Variants in NPAS3 observed in about 807,000 individuals in gnomAD.
The protein encoded by NPAS3 is neuronal PAS domain protein 3.
Under a neutral mutation model 73.1 loss-of-function variants are expected in NPAS3, and 14 were observed. The ratio of observed to expected loss-of-function variants is 0.19; its 90% CI spans 0.13 to 0.30. NPAS3 has a LOEUF of 0.30. NPAS3 is among the 10% of genes least tolerant of loss of function. NPAS3 has a pLI of 1.00. For synonymous variants in NPAS3, 620 were observed against 541.5 expected (o/e 1.14, Z -2.01); for missense variants, 1,096 against 1,250.0 (o/e 0.88, Z 1.86).
intron 3 of NPAS3, among the ~76,000 whole-genome samples, chr14:33,246,696 AT>A (rs1258699432): frequency 1.3e-5 from 2 of 151,488 alleles, no homozygotes; most frequent in Non-Finnish European, 2.9e-5. Context: ...AGCTTTCCTA[AT>A]GAAATAGTAG....
chr14:33,131,862 C>T (rs961440370), intron 2 of NPAS3, among the ~76,000 whole-genome samples: 3 of 151,974 alleles, frequency 2.0e-5, no homozygotes, highest in East Asian at 1.9e-4. Context: ...ATCTTTGAGC[C>T]GAAGCTTGCA....
chr14:33,599,454 T>G lies in NPAS3; in HGVS notation c.558+39244T>G, dbSNP rs760887898. ...GAACTTCACTACTGAGTAAGGCATA[T>G]AAACTAATGATCTGGTTAAGGTCCC... On this transcript the variant is annotated intron_variant, in intron 5 of 11. Transcript: ENST00000356141. 2.2e-4 allele frequency among the ~76,000 whole-genome samples: 33 copies of G among 152,202 alleles called. 1 individual carries two copies. Among genetic ancestry groups the G allele is most frequent in the Admixed American group, 4.6e-4 (7 of 15,274 alleles).
intron 5 of NPAS3, chr14:33,586,021 A>G (rs767176812): frequency 1.1e-4 from 16 of 152,022 alleles, no homozygotes; most frequent in Non-Finnish European, 1.9e-4. Context: ...TCCTGCTGCC[A>G]TTTAGAATCG....
At chr14:33,618,864 G>A (rs2383519) in intron 5 of NPAS3, among the ~76,000 whole-genome samples, 35,469 of 152,074 alleles carry the variant, frequency 0.23, 6,485 homozygotes, top group African/African-American at 0.52. Context: ...CAGACCTTCC[G>A]CAGTTGAAGA....
chr14:32,973,507 G>T (rs1258671351), intron 1 of NPAS3, among the ~76,000 whole-genome samples: 2 of 141,456 alleles, frequency 1.4e-5, no homozygotes, highest in Non-Finnish European at 3.1e-5. Context: ...ATGCAATTCT[G>T]TTTATAGTTC....
chr14:33,476,902 G>A (rs1264673219), intron 4 of NPAS3, among the ~76,000 whole-genome samples: 1 of 152,148 alleles, frequency 6.6e-6, no homozygotes, highest in East Asian at 1.9e-4. Context: ...GTTTGACAGA[G>A]AATAGAATTG....
chr14:33,691,217 ATTGCTGGTATTTGGGCCT>A (rs2060228290), intron 6 of NPAS3, among the ~76,000 whole-genome samples: 1 of 152,236 alleles, frequency 6.6e-6, no homozygotes, highest in Non-Finnish European at 1.5e-5. Context: ...ACAGAAAAGA[ATTGCTGGTATTTGGGCCT>A]TTGCTGAGAG....
At chr14:33,498,818 A>G (rs2052351202) in intron 4 of NPAS3, among the ~76,000 whole-genome samples, 2 of 152,086 alleles carry the variant, frequency 1.3e-5, no homozygotes, top group South Asian at 2.1e-4. Flanking sequence ...CACGTATCCC[A>G]GAACTTAAAG....
At chr14:33,764,833 T>G (rs975763130) in intron 7 of NPAS3, among the ~76,000 whole-genome samples, 2 of 152,248 alleles carry the variant, frequency 1.3e-5, no homozygotes, top group South Asian at 4.1e-4. Flanking sequence ...AAATGAAATT[T>G]GATCAGATGT....
intron 4 of NPAS3, among the ~76,000 whole-genome samples, chr14:33,521,039 C>T (rs2053533278): frequency 6.6e-6 from 1 of 152,100 alleles, no homozygotes. Flanking sequence ...TTTTCCTGTG[C>T]AAGACCAATA....
At chr14:33,481,569 G>A (rs1014835032) in intron 4 of NPAS3, among the ~76,000 whole-genome samples, 7 of 152,132 alleles carry the variant, frequency 4.6e-5, no homozygotes, top group Admixed American at 6.5e-5. Context: ...TTACTGACAT[G>A]GATTTGAATA....
At chr14:33,411,762 T>A (rs998597827) in intron 4 of NPAS3, among the ~76,000 whole-genome samples, 7 of 152,198 alleles carry the variant, frequency 4.6e-5, no homozygotes, top group African/African-American at 1.4e-4. Flanking sequence ...TTGCTTGAAA[T>A]GTCTTCCCAG....
intron 2 of NPAS3, among the ~76,000 whole-genome samples, chr14:33,196,442 C>T (rs936027529): frequency 1.3e-5 from 2 of 152,210 alleles, no homozygotes; most frequent in African/African-American, 4.8e-5. Flanking sequence ...AACAGGCCAT[C>T]TCTCTCTTTT....
chr14:33,246,456 G>A (rs184129418), intron 3 of NPAS3, among the ~76,000 whole-genome samples: 1 of 146,708 alleles, frequency 6.8e-6, no homozygotes, highest in Non-Finnish European at 1.5e-5. Context: ...GGAGAATGGC[G>A]TGAACCCCGG....
At chr14:32,935,684 C>T (rs955983427), upstream of NPAS3, among the ~76,000 whole-genome samples, 10 of 152,136 alleles carry the variant, frequency 6.6e-5, no homozygotes, top group African/African-American at 2.4e-4. Flanking sequence ...TTCTCTTAAA[C>T]GTATTTATAG....
intron 5 of NPAS3, among the ~76,000 whole-genome samples, chr14:33,584,472 C>A (rs542876786): frequency 4.0e-5 from 6 of 151,188 alleles, no homozygotes; most frequent in South Asian, 2.1e-4. Flanking sequence ...TTAAAAATTT[C>A]CAGAGTCAGC....
intron 3 of NPAS3, among the ~76,000 whole-genome samples, chr14:33,238,375 TG>T (rs2048110168): frequency 1.3e-5 from 2 of 152,068 alleles, no homozygotes; most frequent in East Asian, 1.9e-4. Flanking sequence ...TACAATTAGT[TG>T]GTTTCTATTT....
At chr14:33,298,100 G>C (rs914310360) in intron 3 of NPAS3, among the ~76,000 whole-genome samples, 10 of 152,142 alleles carry the variant, frequency 6.6e-5, no homozygotes, top group African/African-American at 2.4e-4. Context: ...TGGCCAACAT[G>C]GTGAAACCCC....
At chr14:33,002,885 C>T (rs1488407844) in intron 1 of NPAS3, among the ~76,000 whole-genome samples, 1 of 151,612 alleles carries the variant, frequency 6.6e-6, no homozygotes, top group African/African-American at 2.4e-5. Flanking sequence ...TGATCTAATC[C>T]CAACTTTGTT....
Sources: gnomAD v4.1 joint callset for allele counts (sites outside exome capture counted in the v4.1 genomes callset) on GRCh38, gnomAD v4.1.1 for gene constraint, MANE v1.5 for transcripts, NCBI Gene and HGNC (gene_info 2026-07-23, HGNC 2026-07-21) for gene names.